The following PDE11A variants were observed in gnomAD, a reference collection of about 807,000 sequenced individuals.
PDE11A encodes the protein phosphodiesterase 11A, also known as dual 3',5'-cyclic-AMP and -GMP phosphodiesterase 11A.
A neutral mutation model predicts 100.5 loss-of-function variants in PDE11A; 100 were observed. The ratio of observed to expected loss-of-function variants is 1.00; its 90% CI spans 0.85 to 1.18. The LOEUF is 1.18. Among genes scored for constraint, PDE11A ranks in the 50% most tolerant of loss-of-function variants. The probability of loss-of-function intolerance (pLI) is 0.00; values close to 1 mark genes in which losing one functional copy is unlikely to be tolerated. For synonymous variants in PDE11A, 381 were observed against 420.8 expected (o/e 0.91, Z 1.16); for missense variants, 1,141 against 1,152.6 (o/e 0.99, Z 0.15).
intron 1 of PDE11A, among the ~76,000 whole-genome samples, chr2:178,063,930 C>G (rs756519740): frequency 6.6e-6 from 1 of 152,204 alleles, no homozygotes; most frequent in Non-Finnish European, 1.5e-5. Context: ...GTTCAAAGCC[C>G]TTTCCAAAGA....
chr2:177,760,173 A>T (rs758518821), intron 10 of PDE11A, among the ~76,000 whole-genome samples: 29 of 152,314 alleles, frequency 1.9e-4, no homozygotes, highest in Non-Finnish European at 3.5e-4. Context: ...AAATGGAGAT[A>T]TGCTAACCCT....
chr2:177,774,012 C>A (rs2082346947), intron 9 of PDE11A, among the ~76,000 whole-genome samples: 2 of 152,118 alleles, frequency 1.3e-5, no homozygotes, highest in Non-Finnish European at 2.9e-5. Context: ...TTCTGGGATG[C>A]ATTCAGAAAG....
At chr2:177,637,791 C>G (rs2080063559) in intron 19 of PDE11A, among the ~76,000 whole-genome samples, 1 of 151,004 alleles carries the variant, frequency 6.6e-6, no homozygotes, top group Non-Finnish European at 1.5e-5. Flanking sequence ...CTGCTCATTT[C>G]TCTTCCATCT....
At chr2:177,790,158 C>A (rs2082608483) in intron 9 of PDE11A, among the ~76,000 whole-genome samples, 2 of 149,892 alleles carry the variant, frequency 1.3e-5, no homozygotes, top group African/African-American at 4.9e-5. Flanking sequence ...GCTACAGTAA[C>A]CAAAACAGCA....
At chr2:178,104,582 G>C in intron 1 of PDE11A, 1 of 901,916 alleles carries the variant, frequency 1.1e-6, no homozygotes. Context: ...GAATGCTGAT[G>C]ATGTTAAACA....
intron 5 of PDE11A, among the ~76,000 whole-genome samples, chr2:177,875,526 C>T (rs7569124): frequency 0.038 from 5,784 of 150,820 alleles, 380 homozygotes; most frequent in African/African-American, 0.13. Context: ...CACAGGCACC[C>T]GCCACCATGC....
rs530044451 is a variant in PDE11A, at chr2:177,695,595, TCTC to T, written c.2345+1734_2345+1736del. ...CAGAGACTGGTTCCACTTAACTTAA[TCTC>T]TTCTTCTGAGCACTGTATCTCATTC... is the stretch of plus-strand genomic sequence containing the variant. On this transcript the variant is annotated intron_variant, in intron 15 of 19. Transcript: ENST00000286063. Among the ~76,000 whole-genome samples the T allele has an allele frequency of 4.6e-5, 7 of 152,304 alleles. No homozygotes were observed. The South Asian group carries it at 1.5e-3, about 32-fold the overall frequency.
chr2:177,807,012 A>C (rs1294363487), intron 9 of PDE11A, among the ~76,000 whole-genome samples: 2 of 152,190 alleles, frequency 1.3e-5, no homozygotes, highest in African/African-American at 4.8e-5. Context: ...AAAAGATATT[A>C]GCCAAGTATT....
At chr2:177,666,516 C>T (rs1166504656) in intron 18 of PDE11A, among the ~76,000 whole-genome samples, 3 of 152,174 alleles carry the variant, frequency 2.0e-5, no homozygotes, top group South Asian at 4.1e-4. Flanking sequence ...TTCCTGCTAA[C>T]AATGTATGAG....
In PDE11A at chr2:178,033,798, A is replaced by C. The variant is rs182197306; in HGVS notation, c.913-19338T>G. Among the ~76,000 whole-genome samples, 412 of 152,258 alleles carry C rather than the reference A, an allele frequency of 2.7e-3. 6 individuals carry two copies. The highest frequency in any genetic ancestry group is 9.7e-3 in the African/African-American group (402 of 41,566). The stretch of plus-strand genomic sequence containing the variant: ...CAACCCAGAATTTCATACCCAGCCA[A>C]ACTAAGCTTCATAAGGAGAAATAAA... On this transcript the variant is annotated intron_variant, in intron 1 of 19. Transcript: ENST00000286063.
intron 13 of PDE11A, among the ~76,000 whole-genome samples, chr2:177,705,928 T>C (rs1226364353): frequency 1.3e-5 from 2 of 152,154 alleles, no homozygotes; most frequent in Non-Finnish European, 2.9e-5. Context: ...AGCTGCTTGG[T>C]ACTGATATTT....
intron 19 of PDE11A, among the ~76,000 whole-genome samples, chr2:177,654,335 T>C (rs112075509): frequency 0.014 from 2,163 of 152,188 alleles, 24 homozygotes; most frequent in Non-Finnish European, 0.023. Flanking sequence ...GCTTGGGCAA[T>C]GTGGTGAAAC....
At chr2:177,816,991 C>A in intron 8 of PDE11A, 70 bp from the exon 9 acceptor site, 1 of 848,044 alleles carries the variant, frequency 1.2e-6, no homozygotes, top group Admixed American at 1.7e-5. Flanking sequence ...TGAAAGCAGG[C>A]AGCCACCAGG....
rs185041530 is a variant in PDE11A at position 177,661,275 on chromosome 2, A to T, written c.2646+2591T>A. Among the ~76,000 whole-genome samples the T allele has an allele frequency of 2.6e-5, 4 of 152,278 alleles. No homozygotes were observed. In the East Asian group the frequency reaches 7.7e-4, roughly 29 times the overall value. ...ACCAATCACATCAGGGATTCCTGCC[A>T]CCTGCACACTTCCCACTTGCCTTCG... is the stretch of plus-strand genomic sequence containing the variant. On this transcript the variant is annotated intron_variant, in intron 19 of 19. Transcript: ENST00000286063.
At chr2:177,945,244 C>T (rs1184025234) in intron 2 of PDE11A, among the ~76,000 whole-genome samples, 2 of 151,258 alleles carry the variant, frequency 1.3e-5, no homozygotes, top group East Asian at 2.0e-4. Flanking sequence ...GCCGCCACCC[C>T]GTCTGGGAAG....
chr2:178,070,963 C>A (rs2087118972), intron 1 of PDE11A, among the ~76,000 whole-genome samples: 1 of 152,082 alleles, frequency 6.6e-6, no homozygotes, highest in Non-Finnish European at 1.5e-5. Flanking sequence ...ACCATTTTTC[C>A]CCTGACATTC....
chr2:177,809,957 C>A (rs1052808617), intron 9 of PDE11A, among the ~76,000 whole-genome samples: 1 of 152,204 alleles, frequency 6.6e-6, no homozygotes, highest in Non-Finnish European at 1.5e-5. Context: ...GAAAGAATCA[C>A]TGCTTCCACT....
intron 10 of PDE11A, among the ~76,000 whole-genome samples, chr2:177,768,191 C>G (rs1280702143): frequency 2.0e-5 from 3 of 152,046 alleles, no homozygotes; most frequent in African/African-American, 7.3e-5. Context: ...CAAACATCTT[C>G]CTTTGCTCCC....
rs114138400 is a variant in PDE11A at position 177,929,918 on chromosome 2, C to G, written c.1072-24731G>C. On this transcript the variant is annotated intron_variant, in intron 2 of 19. Coordinates refer to ENST00000286063, the MANE Select transcript of PDE11A (RefSeq NM_016953.4). ...TGTATAAGTTATTTACTTAACAAACCAGAGTTCCAGGATAAATATGATTAT... is the reference window on the plus strand; with the variant it reads ...TGTATAAGTTATTTACTTAACAAACGAGAGTTCCAGGATAAATATGATTAT... Among the ~76,000 whole-genome samples the G allele has an allele frequency of 6.8e-3, 1,031 of 152,198 alleles. 12 individuals carry two copies. The highest frequency in any genetic ancestry group is 0.023 in the African/African-American group (957 of 41,520).
Sources: allele counts gnomAD v4.1 joint callset (sites outside exome capture counted in the v4.1 genomes callset), GRCh38; gene constraint gnomAD v4.1.1; transcripts MANE v1.5; gene names NCBI Gene and HGNC (gene_info 2026-07-23, HGNC 2026-07-21).